The following DIAPH3 variants were observed in gnomAD, a reference collection of about 807,000 sequenced individuals.
The protein encoded by DIAPH3 is diaphanous related formin 3, also known as protein diaphanous homolog 3.
In DIAPH3, 117 loss-of-function variants were observed where a neutral mutation model predicts 144.3. That is an observed-to-expected ratio of 0.81 (90% CI 0.70 to 0.95). The LOEUF is 0.95. DIAPH3 is among the 40% of genes least tolerant of loss of function. The pLI, the probability that DIAPH3 is intolerant of heterozygous loss-of-function variation, is 0.00. For synonymous variants in DIAPH3, 519 were observed against 488.9 expected, an observed-to-expected ratio of 1.06 and a Z score of -0.81; for missense variants, 1,421 against 1,412.7, an observed-to-expected ratio of 1.01 and a Z score of -0.09.
chr13:60,103,480 A>C lies in DIAPH3; in HGVS notation c.390+8530T>G, dbSNP rs1445364099. Among the ~76,000 whole-genome samples the C allele has an allele frequency of 2.0e-5, 3 of 152,232 alleles. No homozygotes were observed. In the East Asian group the frequency reaches 5.8e-4, roughly 29 times the overall value. On this transcript the variant is annotated intron_variant, in intron 3 of 27. Coordinates refer to ENST00000400324, the MANE Select transcript of DIAPH3 (RefSeq NM_001042517.2). Reference sequence around the variant, plus strand: ...TGGTCAGGTGGAAGGATATTCAACCAAAAAGGAAAAACACTACAGACAGGC... The same window carrying C: ...TGGTCAGGTGGAAGGATATTCAACCCAAAAGGAAAAACACTACAGACAGGC...
chr13:59,815,399 C>T (rs1399761763), intron 24 of DIAPH3, among the ~76,000 whole-genome samples: 2 of 152,140 alleles, frequency 1.3e-5, no homozygotes, highest in Non-Finnish European at 2.9e-5. Context: ...GGACTATAAG[C>T]ATTTTTAATT....
chr13:60,095,708 C>G (rs1594652483), intron 3 of DIAPH3, among the ~76,000 whole-genome samples: 2 of 151,878 alleles, frequency 1.3e-5, no homozygotes, highest in East Asian at 3.9e-4. Flanking sequence ...GTCTCCTATT[C>G]CAGAAATAGA....
intron 3 of DIAPH3, among the ~76,000 whole-genome samples, chr13:60,103,326 C>G (rs529559322): frequency 6.6e-6 from 1 of 152,160 alleles, no homozygotes; most frequent in African/African-American, 2.4e-5. Flanking sequence ...TGCAAGACAG[C>G]ATGCTCATTA....
intron 4 of DIAPH3, among the ~76,000 whole-genome samples, chr13:60,074,342 GAAGA>G (rs1304474527): frequency 6.6e-6 from 1 of 152,100 alleles, no homozygotes; most frequent in South Asian, 2.1e-4. Flanking sequence ...GCATTTAACA[GAAGA>G]AAGACTGGAT....
intron 4 of DIAPH3, among the ~76,000 whole-genome samples, chr13:60,062,154 A>G (rs1367750882): frequency 1.3e-5 from 2 of 152,222 alleles, no homozygotes; most frequent in Non-Finnish European, 2.9e-5. Flanking sequence ...TGAGAGAAAG[A>G]TAAATGTTGG....
chr13:59,708,827 T>C lies in DIAPH3; in HGVS notation c.3320-41981A>G, dbSNP rs76503026. On this transcript the variant is annotated intron_variant, in intron 27 of 27. Transcript: ENST00000400324. Reference sequence around the variant, plus strand: ...TGCTTTAAATAAGACATATTGCTTTTATAATAATAATAAATATATTTTAAA... The same window carrying C: ...TGCTTTAAATAAGACATATTGCTTTCATAATAATAATAAATATATTTTAAA... 3.2e-3 allele frequency among the ~76,000 whole-genome samples: 494 copies of C among 152,202 alleles called. 3 individuals carry two copies. Among genetic ancestry groups the C allele is most frequent in the African/African-American group, 0.011 (452 of 41,560 alleles).
chr13:60,064,634 C>T (rs2141312681), intron 4 of DIAPH3, among the ~76,000 whole-genome samples: 1 of 152,284 alleles, frequency 6.6e-6, no homozygotes, highest in South Asian at 2.1e-4. Flanking sequence ...GATCTTCCAT[C>T]TGAACCACTC....
intron 9 of DIAPH3, among the ~76,000 whole-genome samples, chr13:60,000,226 C>T (rs1439355003): frequency 6.6e-6 from 1 of 151,868 alleles, no homozygotes; most frequent in Non-Finnish European, 1.5e-5. Context: ...AAATATCTAC[C>T]ACAGGAATCC....
chr13:59,781,139 T>C (rs975566818), intron 25 of DIAPH3, among the ~76,000 whole-genome samples: 7 of 152,016 alleles, frequency 4.6e-5, no homozygotes, highest in African/African-American at 1.7e-4. Flanking sequence ...ACAAAGAAGA[T>C]CCTAAAAGGT....
intron 4 of DIAPH3, among the ~76,000 whole-genome samples, chr13:60,056,491 G>T (rs1254307341): frequency 1.3e-5 from 2 of 151,646 alleles, no homozygotes; most frequent in Admixed American, 6.6e-5. Context: ...ATGTACTTGT[G>T]TATTTTTATT....
intron 15 of DIAPH3, 85 bp downstream of exon 15, chr13:59,974,267 C>G: frequency 1.0e-6 from 1 of 998,362 alleles, no homozygotes; most frequent in Non-Finnish European, 1.6e-6. Flanking sequence ...AAAGTTTAAA[C>G]ATTTTGATGC....
At chr13:59,705,659 T>C (rs1039533218) in intron 27 of DIAPH3, among the ~76,000 whole-genome samples, 1 of 152,236 alleles carries the variant, frequency 6.6e-6, no homozygotes, top group Non-Finnish European at 1.5e-5. Context: ...CGTTAGTGTT[T>C]TCTTTCATTA....
intron 20 of DIAPH3, among the ~76,000 whole-genome samples, chr13:59,889,794 T>C (rs1455340165): frequency 6.6e-6 from 1 of 152,094 alleles, no homozygotes; most frequent in African/African-American, 2.4e-5. Flanking sequence ...AGTTGTATAG[T>C]TCACTATAAA....
chr13:59,762,052 CTTTTT>C lies in DIAPH3; in HGVS notation c.3319+12132_3319+12136del, dbSNP rs35387511. ...GCACCCAAGATGAAAGCGTCAGCAT[CTTTTT>C]TTTTTTTTTTTTTTTTTTTTTTTAG... On this transcript the variant is annotated intron_variant, in intron 27 of 27. Coordinates refer to ENST00000400324, the MANE Select transcript of DIAPH3 (RefSeq NM_001042517.2). Among the ~76,000 whole-genome samples the C allele has an allele frequency of 1.8e-3, 110 of 59,520 alleles. 2 individuals carry two copies. Among genetic ancestry groups the C allele is most frequent in the South Asian group, 6.7e-3 (7 of 1,044 alleles). The allele number at this position is 59,520 out of a possible 152,430, so 39.0% of individuals were successfully genotyped here. A position where few individuals can be genotyped will look rare whatever the true frequency, so the allele number is the denominator to read the frequency against.
At chr13:59,981,522 A>C (rs1395016481) in intron 13 of DIAPH3, among the ~76,000 whole-genome samples, 1 of 151,216 alleles carries the variant, frequency 6.6e-6, no homozygotes, top group East Asian at 1.9e-4. Context: ...AAAAAAAAAA[A>C]AAACTGAAAA....
intron 22 of DIAPH3, among the ~76,000 whole-genome samples, chr13:59,859,388 C>A (rs1340293401): frequency 4.6e-5 from 7 of 152,220 alleles, no homozygotes; most frequent in Admixed American, 4.6e-4. Context: ...AACCAAGTTA[C>A]AGTTCTGCAA....
intron 18 of DIAPH3, among the ~76,000 whole-genome samples, chr13:59,917,576 A>G (rs1420398430): frequency 6.6e-6 from 1 of 152,136 alleles, no homozygotes; most frequent in African/African-American, 2.4e-5. Context: ...ACAAGATGAA[A>G]TATGTAAATG....
chr13:59,951,447 G>A (rs544695414), intron 17 of DIAPH3, among the ~76,000 whole-genome samples: 13 of 152,140 alleles, frequency 8.5e-5, no homozygotes, highest in African/African-American at 2.2e-4. Flanking sequence ...TATTAGCAGC[G>A]TGAGAATGAA....
At chr13:60,128,621 T>A (rs1283249606) in intron 2 of DIAPH3, among the ~76,000 whole-genome samples, 1 of 152,180 alleles carries the variant, frequency 6.6e-6, no homozygotes, top group East Asian at 1.9e-4. Flanking sequence ...CATTCTAACC[T>A]GGCTTTCCTA....
Sources: gnomAD v4.1 joint callset for allele counts (sites outside exome capture counted in the v4.1 genomes callset) on GRCh38, gnomAD v4.1.1 for gene constraint, MANE v1.5 for transcripts, NCBI Gene and HGNC (gene_info 2026-07-23, HGNC 2026-07-21) for gene names.